Variants in CAMK1D observed in about 807,000 individuals in gnomAD.
CAMK1D encodes the protein calcium/calmodulin-dependent protein kinase type 1D.
A neutral mutation model predicts 47.7 loss-of-function variants in CAMK1D; 9 were observed. That is an observed-to-expected ratio of 0.19 (90% confidence interval 0.11 to 0.33). The LOEUF is 0.33. Ranked by LOEUF, CAMK1D falls within the 10% of genes least tolerant of loss-of-function variation. CAMK1D has a pLI of 1.00. For missense variants in CAMK1D, 291 were observed against 488.7 expected, an observed-to-expected ratio of 0.60 and a Z score of 3.81; for synonymous variants, 184 against 184.9, an observed-to-expected ratio of 0.99 and a Z score of 0.04.
chr10:12,778,547 C>G (rs1247776233), intron 5 of CAMK1D, among the ~76,000 whole-genome samples: 1 of 152,158 alleles, frequency 6.6e-6, no homozygotes. Context: ...CACACAGATT[C>G]ATGTGAGGCA....
chr10:12,467,353 A>G (rs931641366), intron 1 of CAMK1D, among the ~76,000 whole-genome samples: 1 of 152,034 alleles, frequency 6.6e-6, no homozygotes, highest in African/African-American at 2.4e-5. Context: ...GGGTTTTGCC[A>G]TTTTGTCCAG....
chr10:12,600,266 C>G (rs550481172), intron 2 of CAMK1D, among the ~76,000 whole-genome samples: 1 of 152,212 alleles, frequency 6.6e-6, no homozygotes, highest in Non-Finnish European at 1.5e-5. Context: ...GGGTGGGCCC[C>G]CCTGTTTCTA....
At chr10:12,372,295 A>G (rs1838027715) in intron 1 of CAMK1D, among the ~76,000 whole-genome samples, 2 of 152,224 alleles carry the variant, frequency 1.3e-5, no homozygotes, top group African/African-American at 4.8e-5. Flanking sequence ...CAGCCATTCA[A>G]TAAAATAGAT....
intron 3 of CAMK1D, among the ~76,000 whole-genome samples, chr10:12,673,946 A>G (rs983761371): frequency 6.6e-6 from 1 of 151,664 alleles, no homozygotes; most frequent in African/African-American, 2.4e-5. Context: ...TTCTTTTTTT[A>G]TTAAATTTTT....
At chr10:12,740,157 G>A (rs573419638) in intron 3 of CAMK1D, among the ~76,000 whole-genome samples, 60 of 152,244 alleles carry the variant, frequency 3.9e-4, no homozygotes, top group South Asian at 8.3e-4. Context: ...TCTGCTCTCC[G>A]TTTATGCAGC....
chr10:12,631,179 C>T (rs1169524522), intron 2 of CAMK1D, among the ~76,000 whole-genome samples: 5 of 151,998 alleles, frequency 3.3e-5, no homozygotes, highest in Admixed American at 6.5e-5. Context: ...AGGAGGGTGG[C>T]GCTGCTTAGG....
chr10:12,523,169 C>T (rs36055548), intron 1 of CAMK1D, among the ~76,000 whole-genome samples: 74,283 of 148,130 alleles, frequency 0.5, 18,562 homozygotes, highest in South Asian at 0.61. Context: ...GGCAGAGGCG[C>T]TCCTCACATC....
intron 1 of CAMK1D, among the ~76,000 whole-genome samples, chr10:12,499,189 C>T (rs1406625102): frequency 6.6e-6 from 1 of 151,148 alleles, no homozygotes; most frequent in Non-Finnish European, 1.5e-5. Flanking sequence ...ATAAAGGCTT[C>T]CTGGGCAGTT....
intron 2 of CAMK1D, among the ~76,000 whole-genome samples, chr10:12,580,480 C>T (rs1837631379): frequency 1.3e-5 from 2 of 152,044 alleles, no homozygotes; most frequent in Admixed American, 6.6e-5. Flanking sequence ...ATTAACTCCT[C>T]TGAGAACTTG....
intron 6 of CAMK1D, among the ~76,000 whole-genome samples, chr10:12,805,874 T>G (rs925782592): frequency 1.3e-5 from 2 of 152,178 alleles, no homozygotes; most frequent in African/African-American, 4.8e-5. Context: ...CAAAAAGGAA[T>G]GAGGCATCAC....
At chr10:12,778,552 G>A (rs940883014) in intron 5 of CAMK1D, among the ~76,000 whole-genome samples, 3 of 152,204 alleles carry the variant, frequency 2.0e-5, no homozygotes, top group African/African-American at 7.2e-5. Context: ...AGATTCATGT[G>A]AGGCAGTGTA....
intron 1 of CAMK1D, among the ~76,000 whole-genome samples, chr10:12,377,561 A>G (rs1331372340): frequency 6.6e-6 from 1 of 152,164 alleles, no homozygotes; most frequent in Non-Finnish European, 1.5e-5. Flanking sequence ...TCTTGTTACA[A>G]TGTATTACAA....
intron 1 of CAMK1D, among the ~76,000 whole-genome samples, chr10:12,462,684 G>A (rs1160877236): frequency 3.3e-5 from 5 of 152,150 alleles, no homozygotes; most frequent in African/African-American, 1.2e-4. Flanking sequence ...TATGAGTTGT[G>A]GAGCTCTCAT....
At position 12,518,502 on chromosome 10, in the gene CAMK1D, T is replaced by A. The variant is rs545021665; in HGVS notation, c.93-34723T>A. On this transcript the variant is annotated intron_variant, in intron 1 of 10. Transcript: ENST00000619168. ...TTTATTTTTTATTTTTTATTTTTTT[T>A]TTTTATTGATCATTCTTGGGTGTTT... 5.8e-5 allele frequency among the ~76,000 whole-genome samples: 2 copies of A among 34,544 alleles called. 1 individual carries two copies. Among genetic ancestry groups the A allele is most frequent in the African/African-American group, 2.0e-4 (2 of 10,166 alleles). 22.7% of individuals were successfully genotyped at this position (34,544 alleles called of 152,430 possible).
At chr10:12,495,992 AT>A (rs1401090130) in intron 1 of CAMK1D, among the ~76,000 whole-genome samples, 1 of 151,276 alleles carries the variant, frequency 6.6e-6, no homozygotes, top group African/African-American at 2.4e-5. Context: ...TGTGCCCTCT[AT>A]TTTTTTGGTA....
chr10:12,766,209 C>T (rs1425257204), intron 4 of CAMK1D, among the ~76,000 whole-genome samples: 2 of 151,976 alleles, frequency 1.3e-5, no homozygotes, highest in Non-Finnish European at 2.9e-5. Flanking sequence ...AGGTGATCCG[C>T]CTGCCTCAGC....
At chr10:12,610,365 C>T (rs530328930) in intron 2 of CAMK1D, among the ~76,000 whole-genome samples, 25 of 152,276 alleles carry the variant, frequency 1.6e-4, no homozygotes, top group African/African-American at 3.4e-4. Flanking sequence ...TGCATCTCAA[C>T]GCCGAGATTT....
chr10:12,478,831 T>C (rs760805438), intron 1 of CAMK1D, among the ~76,000 whole-genome samples: 6 of 152,146 alleles, frequency 3.9e-5, no homozygotes, highest in Admixed American at 3.9e-4. Flanking sequence ...GATTCCATCC[T>C]CCCCGCTGTT....
At chr10:12,597,599 T>C (rs1012271192) in intron 2 of CAMK1D, among the ~76,000 whole-genome samples, 7 of 152,218 alleles carry the variant, frequency 4.6e-5, no homozygotes, top group Non-Finnish European at 8.8e-5. Flanking sequence ...GGCACTTCCA[T>C]GGCCCAGTTG....
Sources: allele counts gnomAD v4.1 joint callset (sites outside exome capture counted in the v4.1 genomes callset), GRCh38; gene constraint gnomAD v4.1.1; transcripts MANE v1.5; gene names NCBI Gene and HGNC (gene_info 2026-07-23, HGNC 2026-07-21).